Variants in GKAP1 observed in about 807,000 individuals in gnomAD.
GKAP1 encodes the protein G kinase anchoring protein 1.
A neutral mutation model predicts 56.7 loss-of-function variants in GKAP1; 31 were observed. The observed-to-expected ratio is 0.55, with a 90% CI of 0.41 to 0.74. The LOEUF is 0.74. Among genes scored for constraint, GKAP1 ranks in the 30% least tolerant of loss-of-function variants. The pLI is 0.00. For synonymous variants in GKAP1, 151 were observed against 138.6 expected (o/e 1.09, Z -0.63); for missense variants, 364 against 402.3 (o/e 0.90, Z 0.82).
chr9:83,799,321 T>C lies in GKAP1; in HGVS notation c.224A>G (p.Asn75Ser). The change falls in exon 4 of 13, where the codon AAT becomes AGT. Residue 75 changes from asparagine to serine, a missense_variant. Physicochemically the swap from Asn to Ser is conservative, Grantham distance 46. Transcript: ENST00000376371. ...QQQSEANELR[N>S]LAFKKIPQKS... ...CTGGGGAATTTTCTTAAAAGCAAGATTCCTGAGCTATAAAACAAACAAAAA... is the reference window on the plus strand; with the variant it reads ...CTGGGGAATTTTCTTAAAAGCAAGACTCCTGAGCTATAAAACAAACAAAAA... 1 of 1,590,804 alleles carries C rather than the reference T, an allele frequency of 6.3e-7. No individual in the cohort carries two copies. The highest frequency in any genetic ancestry group is 8.5e-7 in the Non-Finnish European group (1 of 1,172,258).
At chr9:83,789,545 G>C (rs961614471) in intron 4 of GKAP1, among the ~76,000 whole-genome samples, 1 of 152,132 alleles carries the variant, frequency 6.6e-6, no homozygotes, top group African/African-American at 2.4e-5. Flanking sequence ...GGCATCTCTT[G>C]TTTTTATCTG....
At chr9:83,764,148 G>T (rs1328835800) in intron 8 of GKAP1, among the ~76,000 whole-genome samples, 1 of 152,120 alleles carries the variant, frequency 6.6e-6, no homozygotes, top group African/African-American at 2.4e-5. Flanking sequence ...AACCATAAAT[G>T]TTAATTAACA....
rs373676989 is a variant in GKAP1 at position 83,790,558 on chromosome 9, G to A, written c.361-1880C>T. On this transcript the variant is annotated intron_variant, in intron 4 of 12. Coordinates refer to ENST00000376371, the MANE Select transcript of GKAP1 (RefSeq NM_025211.4). ...AGCACTTTAGGAGGACGAGGTGGGC[G>A]GATCACCTGAGGTCAGGAGTTTGAG... is the stretch of plus-strand genomic sequence containing the variant. Among the ~76,000 whole-genome samples the A allele has an allele frequency of 3.1e-4, 47 of 152,122 alleles. No homozygotes were observed. The East Asian group carries it at 5.2e-3, about 17-fold the overall frequency.
At chr9:83,756,723 T>C (rs1943484150) in intron 8 of GKAP1, among the ~76,000 whole-genome samples, 2 of 152,156 alleles carry the variant, frequency 1.3e-5, no homozygotes, top group Admixed American at 6.5e-5. Flanking sequence ...ACCAACTTCA[T>C]AGTTAGTTGT....
At chr9:83,766,171 C>T (rs1943660583) in intron 8 of GKAP1, among the ~76,000 whole-genome samples, 1 of 152,126 alleles carries the variant, frequency 6.6e-6, no homozygotes, top group Admixed American at 6.5e-5. Flanking sequence ...CTATAAGGGG[C>T]TTCCCCCTTC....
chr9:83,759,902 C>T (rs537974048), intron 8 of GKAP1, among the ~76,000 whole-genome samples: 1 of 152,294 alleles, frequency 6.6e-6, no homozygotes, highest in Admixed American at 6.5e-5. Flanking sequence ...CGTCTGCTGA[C>T]TAAATTATAA....
chr9:83,779,556 T>TACAC (rs1943931465), intron 7 of GKAP1, among the ~76,000 whole-genome samples: 1 of 124,476 alleles, frequency 8.0e-6, no homozygotes, highest in African/African-American at 3.4e-5. Flanking sequence ...CACGTGTATA[T>TACAC]GTGTATATAT....
At position 83,753,232 on chromosome 9, in the gene GKAP1, T is replaced by G. The variant is rs370875382; in HGVS notation, c.840+26A>C. Reference sequence around the variant, plus strand: ...CGTGAAAATTTATAGAATTATTTTCTTTAACAACAGTAAATGGACACAAAC... The same window carrying G: ...CGTGAAAATTTATAGAATTATTTTCGTTAACAACAGTAAATGGACACAAAC... On this transcript the variant is annotated intron_variant, in intron 9 of 12. Coordinates refer to ENST00000376371, the MANE Select transcript of GKAP1 (RefSeq NM_025211.4). 4 of 1,329,116 alleles carry G rather than the reference T, an allele frequency of 3.0e-6. No homozygotes were observed. The African/African-American group carries it at 5.9e-5, about 20-fold the overall frequency. 82.3% of individuals were successfully genotyped at this position (1,329,116 alleles called of 1,614,324 possible).
chr9:83,775,874 C>CAAAAAA (rs55669011), intron 7 of GKAP1, among the ~76,000 whole-genome samples: 16 of 43,682 alleles, frequency 3.7e-4, no homozygotes, highest in Admixed American at 6.1e-4. Flanking sequence ...GACTCTGTCT[C>CAAAAAA]AAAAAAAAAA....
At chr9:83,746,157 T>C (rs565783108) in intron 10 of GKAP1, among the ~76,000 whole-genome samples, 1 of 152,352 alleles carries the variant, frequency 6.6e-6, no homozygotes, top group Non-Finnish European at 1.5e-5. Context: ...AGGTTGAACC[T>C]ACTTCAAGAG....
intron 2 of GKAP1, among the ~76,000 whole-genome samples, chr9:83,812,300 T>G (rs1163036954): frequency 6.8e-6 from 1 of 148,122 alleles, no homozygotes; most frequent in Non-Finnish European, 1.5e-5. Context: ...CGTATATATA[T>G]ACGTATACAT....
intron 8 of GKAP1, among the ~76,000 whole-genome samples, chr9:83,761,614 A>G (rs1243303182): frequency 6.6e-6 from 1 of 152,156 alleles, no homozygotes; most frequent in Non-Finnish European, 1.5e-5. Context: ...CATCGAAAAA[A>G]GAAAACTAGG....
intron 8 of GKAP1, among the ~76,000 whole-genome samples, chr9:83,754,646 AT>A (rs1438334499): frequency 6.6e-6 from 1 of 152,250 alleles, no homozygotes; most frequent in Non-Finnish European, 1.5e-5. Flanking sequence ...GAAGAAAAAA[AT>A]AAACCAGTAT....
At position 83,751,534 on chromosome 9, in the gene GKAP1, C is replaced by CA. The variant is rs533454393; in HGVS notation, c.840+1723dup. On this transcript the variant is annotated intron_variant, in intron 9 of 12. Transcript: ENST00000376371. ...GCTAAGGTAAATGAGTGGGTGCAGT[C>CA]AAAAAAAGTTTTAGTAGGGATGATT... Among the ~76,000 whole-genome samples, 355 of 151,724 alleles carry CA rather than the reference C, an allele frequency of 2.3e-3. 4 individuals are homozygous for CA. Among genetic ancestry groups the CA allele is most frequent in the African/African-American group, 8.0e-3 (333 of 41,386 alleles).
At chr9:83,806,235 G>C in intron 3 of GKAP1, 67 bp downstream of exon 3, 1 of 1,016,540 alleles carries the variant, frequency 9.8e-7, no homozygotes, top group East Asian at 2.6e-5. Flanking sequence ...AGGGGAACAA[G>C]ATAGTATCTG....
chr9:83,780,064 T>G (rs1486340243), intron 7 of GKAP1, among the ~76,000 whole-genome samples: 1 of 152,018 alleles, frequency 6.6e-6, no homozygotes. Context: ...AAATATAGAG[T>G]GAGAGATTAA....
chr9:83,764,547 T>TA (rs1943629327), intron 8 of GKAP1, among the ~76,000 whole-genome samples: 1 of 152,108 alleles, frequency 6.6e-6, no homozygotes, highest in Non-Finnish European at 1.5e-5. Context: ...GCTATAAAGA[T>TA]ACCTGAAAAT....
chr9:83,748,984 A>G (rs948416877), intron 9 of GKAP1: 2 of 152,228 alleles, frequency 1.3e-5, no homozygotes, highest in Non-Finnish European at 2.9e-5. Context: ...TAACTAAATA[A>G]TCACTGTTAT....
At chr9:83,760,648 T>C (rs534252440) in intron 8 of GKAP1, among the ~76,000 whole-genome samples, 15 of 152,134 alleles carry the variant, frequency 9.9e-5, no homozygotes, top group African/African-American at 2.9e-4. Flanking sequence ...ATTAACAAAA[T>C]TGAAGTAATA....
Sources: allele counts gnomAD v4.1 joint callset (sites outside exome capture counted in the v4.1 genomes callset), GRCh38; gene constraint gnomAD v4.1.1; transcripts MANE v1.5; gene names NCBI Gene and HGNC (gene_info 2026-07-23, HGNC 2026-07-21).